Variants in SUPT3H observed in about 807,000 individuals in gnomAD.
The protein encoded by SUPT3H is SPT3 homolog, SAGA and STAGA complex component, also known as transcription initiation protein SPT3 homolog.
Under a neutral mutation model 44.3 loss-of-function variants are expected in SUPT3H, and 44 were observed. That is an observed-to-expected ratio of 0.99 (90% CI 0.78 to 1.28). SUPT3H has a LOEUF of 1.28. SUPT3H is among the 50% of genes most tolerant of loss of function. The pLI, the probability that SUPT3H is intolerant of heterozygous loss-of-function variation, is 0.00. For missense variants in SUPT3H, 380 were observed against 387.1 expected, an observed-to-expected ratio of 0.98 and a Z score of 0.15; for synonymous variants, 124 against 125.6, an observed-to-expected ratio of 0.99 and a Z score of 0.09.
At chr6:44,821,043 G>T (rs1357252748) in intron 11 of SUPT3H, among the ~76,000 whole-genome samples, 2 of 152,086 alleles carry the variant, frequency 1.3e-5, no homozygotes, top group Non-Finnish European at 2.9e-5. Context: ...TAGAGGCAGG[G>T]TCTTGCTCTG....
rs538964686 is a variant in SUPT3H, at chr6:44,844,367, C to T, written c.913-14510G>A. Among the ~76,000 whole-genome samples, 308 of 152,058 alleles carry T rather than the reference C, an allele frequency of 2.0e-3. 1 individual carries two copies. In the Middle Eastern group the frequency reaches 0.031, roughly 15 times the overall value. On this transcript the variant is annotated intron_variant, in intron 10 of 10. Transcript: ENST00000371459. ...ACATACTTATCTGTAAAAAAAAGAT[C>T]GATAAATCAGACTATGTCAAAATTA... is the stretch of plus-strand genomic sequence containing the variant.
intron 10 of SUPT3H, among the ~76,000 whole-genome samples, chr6:44,900,493 C>CGAG (rs1764814474): frequency 6.6e-6 from 1 of 152,190 alleles, no homozygotes; most frequent in Admixed American, 6.5e-5. Context: ...CTGCCATTGC[C>CGAG]GAGGCTTGAG....
chr6:45,244,952 C>G (rs1771076068), intron 2 of SUPT3H, among the ~76,000 whole-genome samples: 1 of 152,068 alleles, frequency 6.6e-6, no homozygotes, highest in African/African-American at 2.4e-5. Flanking sequence ...ATAAATACAA[C>G]CAGTTACTAA....
At chr6:45,148,944 T>C (rs1416883510) in intron 2 of SUPT3H, among the ~76,000 whole-genome samples, 1 of 152,146 alleles carries the variant, frequency 6.6e-6, no homozygotes, top group Admixed American at 6.6e-5. Context: ...TATTCAAGTT[T>C]GCTGATTTCA....
chr6:44,886,705 T>C lies in SUPT3H; in HGVS notation c.912+45948A>G, dbSNP rs546019752. 3.4e-4 allele frequency among the ~76,000 whole-genome samples: 52 copies of C among 152,168 alleles called. No homozygotes were observed. The Middle Eastern group carries it at 0.01, about 30-fold the overall frequency. ...CCATCGAGGCTAGGAAGAAACTGCATCAACTAACGAGCAAAATCACCAGCT... is the reference window on the plus strand; with the variant it reads ...CCATCGAGGCTAGGAAGAAACTGCACCAACTAACGAGCAAAATCACCAGCT... On this transcript the variant is annotated intron_variant, in intron 10 of 10. Coordinates refer to ENST00000371459, the MANE Select transcript of SUPT3H (RefSeq NM_003599.4).
chr6:44,922,184 C>T (rs1768835998), intron 10 of SUPT3H, among the ~76,000 whole-genome samples: 2 of 152,210 alleles, frequency 1.3e-5, no homozygotes, highest in Non-Finnish European at 2.9e-5. Flanking sequence ...TCTGTGCATA[C>T]ATAGCCTAGG....
At chr6:45,150,253 C>A (rs1806711032) in intron 2 of SUPT3H, among the ~76,000 whole-genome samples, 1 of 151,654 alleles carries the variant, frequency 6.6e-6, no homozygotes, top group Admixed American at 6.6e-5. Context: ...CCTTTTTTTA[C>A]TAAAAATAGT....
chr6:44,824,466 CCT>C (rs1767592227), downstream of SUPT3H, among the ~76,000 whole-genome samples: 1 of 151,978 alleles, frequency 6.6e-6, no homozygotes, highest in African/African-American at 2.4e-5. Context: ...TGGAGACCAG[CCT>C]CAGTGATATA....
At chr6:45,119,119 G>T (rs1259506136) in intron 2 of SUPT3H, among the ~76,000 whole-genome samples, 1 of 152,080 alleles carries the variant, frequency 6.6e-6, no homozygotes, top group Non-Finnish European at 1.5e-5. Context: ...AATCATAAAT[G>T]CTGAGGTTTC....
At chr6:44,947,437 A>G (rs1773529005) in intron 9 of SUPT3H, among the ~76,000 whole-genome samples, 1 of 152,216 alleles carries the variant, frequency 6.6e-6, no homozygotes, top group African/African-American at 2.4e-5. Flanking sequence ...TCATAAATAT[A>G]AAAAAGAGAG....
chr6:44,824,737 C>G (rs1025616863), downstream of SUPT3H, among the ~76,000 whole-genome samples: 1 of 152,212 alleles, frequency 6.6e-6, no homozygotes, highest in South Asian at 2.1e-4. Flanking sequence ...AGACCTGACT[C>G]TCTCTCTCTG....
chr6:45,067,424 C>T (rs1163731336), intron 3 of SUPT3H, among the ~76,000 whole-genome samples: 1 of 129,374 alleles, frequency 7.7e-6, no homozygotes, highest in East Asian at 2.2e-4. Flanking sequence ...ATTTCCAAAA[C>T]ACCAAAAGCA....
intron 11 of SUPT3H, among the ~76,000 whole-genome samples, chr6:44,819,927 G>C (rs899195920): frequency 6.6e-6 from 1 of 152,176 alleles, no homozygotes; most frequent in Non-Finnish European, 1.5e-5. Flanking sequence ...TGGTGAAACA[G>C]ATATATCAAA....
chr6:45,110,702 C>A (rs1461259341), intron 2 of SUPT3H, among the ~76,000 whole-genome samples: 1 of 152,080 alleles, frequency 6.6e-6, no homozygotes, highest in Non-Finnish European at 1.5e-5. Context: ...CTTTTAATCT[C>A]TCTATAAATT....
chr6:44,841,398 T>A (rs1011040877), intron 10 of SUPT3H, among the ~76,000 whole-genome samples: 2 of 152,316 alleles, frequency 1.3e-5, no homozygotes, highest in East Asian at 1.9e-4. Flanking sequence ...ACCAAAACTA[T>A]TTTTTTAAAG....
intron 2 of SUPT3H, among the ~76,000 whole-genome samples, chr6:45,315,704 A>T (rs1784575647): frequency 6.6e-6 from 1 of 152,126 alleles, no homozygotes; most frequent in African/African-American, 2.4e-5. Flanking sequence ...ACAAGCTGCT[A>T]TGGAAAACAG....
intron 10 of SUPT3H, among the ~76,000 whole-genome samples, chr6:44,831,089 T>C (rs1425833527): frequency 6.6e-6 from 1 of 152,164 alleles, no homozygotes; most frequent in African/African-American, 2.4e-5. Flanking sequence ...CTCTTAATCA[T>C]AAAATTCAAT....
chr6:44,921,915 C>T (rs1013553600), intron 10 of SUPT3H, among the ~76,000 whole-genome samples: 6 of 152,214 alleles, frequency 3.9e-5, no homozygotes, highest in Non-Finnish European at 8.8e-5. Flanking sequence ...TTGAATGCGC[C>T]TGGGCAAACT....
intron 3 of SUPT3H, among the ~76,000 whole-genome samples, chr6:45,038,862 C>G (rs779729152): frequency 6.6e-6 from 1 of 151,974 alleles, no homozygotes; most frequent in Non-Finnish European, 1.5e-5. Flanking sequence ...TTATACTTTA[C>G]TGGGTGTATA....
Sources: allele counts gnomAD v4.1 joint callset (sites outside exome capture counted in the v4.1 genomes callset), GRCh38; gene constraint gnomAD v4.1.1; transcripts MANE v1.5; gene names NCBI Gene and HGNC (gene_info 2026-07-23, HGNC 2026-07-21).